AUTS2: variants seen among roughly 807,000 people sequenced by gnomAD.
AUTS2 encodes activator of transcription and developmental regulator AUTS2.
A neutral mutation model predicts 112.4 loss-of-function variants in AUTS2; 17 were observed. That is an observed-to-expected ratio of 0.15 (90% CI 0.10 to 0.23). The LOEUF is 0.23. Among genes scored for constraint, AUTS2 ranks in the 10% least tolerant of loss-of-function variants. AUTS2 has a pLI of 1.00. For synonymous variants in AUTS2, 751 were observed against 702.7 expected, an observed-to-expected ratio of 1.07 and a Z score of -1.09; for missense variants, 1,510 against 1,701.6, an observed-to-expected ratio of 0.89 and a Z score of 1.98.
intron 1 of AUTS2, among the ~76,000 whole-genome samples, chr7:69,824,947 T>C (rs912395937): frequency 1.3e-5 from 2 of 152,236 alleles, no homozygotes; most frequent in African/African-American, 4.8e-5. Flanking sequence ...TTGAACCTTA[T>C]GCAGAAAATA....
chr7:70,473,564 TC>T (rs960185911), intron 5 of AUTS2, among the ~76,000 whole-genome samples: 25 of 152,302 alleles, frequency 1.6e-4, no homozygotes, highest in African/African-American at 6.0e-4. Flanking sequence ...TAAGAATATG[TC>T]CAGGCCTCTC....
chr7:70,553,697 ATT>A (rs111723309), intron 5 of AUTS2, among the ~76,000 whole-genome samples: 1 of 129,108 alleles, frequency 7.7e-6, no homozygotes. Flanking sequence ...TTGCAAGGTG[ATT>A]TTTTTTTTTT....
chr7:70,765,966 A>G (rs1789912305), intron 8 of AUTS2, 148 bp from the exon 9 acceptor site: 2 of 1,398,408 alleles, frequency 1.4e-6, no homozygotes, highest in African/African-American at 1.5e-5. Context: ...CGTCTGCTTC[A>G]TTGATTGCCC....
chr7:70,492,309 C>G (rs1179584686), intron 5 of AUTS2, among the ~76,000 whole-genome samples: 1 of 147,578 alleles, frequency 6.8e-6, no homozygotes, highest in Non-Finnish European at 1.5e-5. Flanking sequence ...CCAGCCACCA[C>G]TCCCGTCAGG....
intron 1 of AUTS2, among the ~76,000 whole-genome samples, chr7:69,739,466 G>T (rs1787171950): frequency 6.6e-6 from 1 of 152,148 alleles, no homozygotes; most frequent in Non-Finnish European, 1.5e-5. Context: ...TGACTGGCAT[G>T]TTGAATCTTG....
intron 4 of AUTS2, among the ~76,000 whole-genome samples, chr7:70,403,508 C>T (rs1794410730): frequency 6.6e-6 from 1 of 152,246 alleles, no homozygotes; most frequent in Non-Finnish European, 1.5e-5. Flanking sequence ...TGGCGTCTGC[C>T]TGCCTACTGT....
chr7:70,571,360 T>C (rs1304758209), intron 5 of AUTS2, among the ~76,000 whole-genome samples: 1 of 152,232 alleles, frequency 6.6e-6, no homozygotes, highest in Non-Finnish European at 1.5e-5. Context: ...TAACACAGTG[T>C]CTGGCAAATG....
At chr7:70,181,577 T>C (rs1715801197) in intron 4 of AUTS2, among the ~76,000 whole-genome samples, 1 of 151,818 alleles carries the variant, frequency 6.6e-6, no homozygotes, top group African/African-American at 2.4e-5. Flanking sequence ...AACCTCTGCT[T>C]CCTGGGTTCA....
At chr7:70,514,971 G>A (rs1382986938) in intron 5 of AUTS2, among the ~76,000 whole-genome samples, 1 of 151,948 alleles carries the variant, frequency 6.6e-6, no homozygotes, top group African/African-American at 2.4e-5. Flanking sequence ...TTATTGAGTT[G>A]TTTATCTTTT....
intron 2 of AUTS2, among the ~76,000 whole-genome samples, chr7:70,068,479 C>G (rs751542941): frequency 2.6e-5 from 4 of 151,940 alleles, no homozygotes; most frequent in African/African-American, 4.8e-5. Context: ...CCACTGTGCC[C>G]GGCCATAAGT....
intron 1 of AUTS2, among the ~76,000 whole-genome samples, chr7:69,623,050 G>A (rs1793749657): frequency 6.6e-6 from 1 of 152,164 alleles, no homozygotes; most frequent in African/African-American, 2.4e-5. Flanking sequence ...GGAGTAGGTA[G>A]TTTCAGATTT....
At chr7:70,742,239 A>C (rs1788157358) in intron 6 of AUTS2, among the ~76,000 whole-genome samples, 1 of 152,178 alleles carries the variant, frequency 6.6e-6, no homozygotes, top group Non-Finnish European at 1.5e-5. Context: ...GAGGAATGAA[A>C]GTACATGTTA....
At chr7:70,656,035 T>A (rs1171132369) in intron 5 of AUTS2, among the ~76,000 whole-genome samples, 1 of 152,168 alleles carries the variant, frequency 6.6e-6, no homozygotes, top group East Asian at 1.9e-4. Flanking sequence ...GGATGTTGTG[T>A]GTTATCCACC....
intron 2 of AUTS2, among the ~76,000 whole-genome samples, chr7:69,918,452 C>G (rs1385414164): frequency 1.3e-5 from 2 of 152,102 alleles, no homozygotes; most frequent in Non-Finnish European, 2.9e-5. Context: ...TACGAGGTAA[C>G]TTTGCTTATG....
chr7:70,121,491 A>C (rs1316884466), intron 3 of AUTS2, among the ~76,000 whole-genome samples: 2 of 152,202 alleles, frequency 1.3e-5, no homozygotes, highest in Admixed American at 6.5e-5. Context: ...CTCAATAATA[A>C]AAAGATAACC....
At chr7:70,314,971 A>G (rs930763276) in intron 4 of AUTS2, among the ~76,000 whole-genome samples, 3 of 152,212 alleles carry the variant, frequency 2.0e-5, no homozygotes, top group African/African-American at 7.2e-5. Context: ...AACCACCTCC[A>G]TCTTGTGTGT....
intron 1 of AUTS2, among the ~76,000 whole-genome samples, chr7:69,897,597 A>T (rs1033689998): frequency 8.6e-5 from 13 of 151,902 alleles, no homozygotes; most frequent in Non-Finnish European, 1.3e-4. Context: ...AAAAAAAAAA[A>T]AAACAAAAAA....
rs1241517255 is a variant in AUTS2 at position 70,303,434 on chromosome 7, G to GCGCA, written c.661-132317_661-132316insGCAC. ...CACGCACACACACACGCGCGCGCGC[G>GCGCA]CACATACACACACACACACACACAC... On this transcript the variant is annotated intron_variant, in intron 4 of 18. Coordinates refer to ENST00000342771, the MANE Select transcript of AUTS2 (RefSeq NM_015570.4). Among the ~76,000 whole-genome samples, 636 of 142,044 alleles carry GCGCA rather than the reference G, an allele frequency of 4.5e-3. 2 individuals are homozygous for GCGCA. Among genetic ancestry groups the GCGCA allele is most frequent in the East Asian group, 5.3e-3 (25 of 4,720 alleles). 93.2% of individuals were successfully genotyped at this position (142,044 alleles called of 152,430 possible).
At chr7:69,817,531 A>G (rs1185817036) in intron 1 of AUTS2, among the ~76,000 whole-genome samples, 2 of 152,124 alleles carry the variant, frequency 1.3e-5, no homozygotes, top group Non-Finnish European at 2.9e-5. Flanking sequence ...ATAGATTCCA[A>G]GGTTCTGGTG....
Sources: gnomAD v4.1 joint callset for allele counts (sites outside exome capture counted in the v4.1 genomes callset) on GRCh38, gnomAD v4.1.1 for gene constraint, MANE v1.5 for transcripts, NCBI Gene and HGNC (gene_info 2026-07-23, HGNC 2026-07-21) for gene names.